WWOX: variants seen among roughly 807,000 people sequenced by gnomAD.
WWOX encodes WW domain-containing oxidoreductase.
WWOX carries 69 observed loss-of-function variants against 46.2 expected under a neutral mutation model. That is an observed-to-expected ratio of 1.49 (90% CI 1.23 to 1.82). WWOX has a LOEUF of 1.82. Ranked by LOEUF, WWOX falls within the 40% of genes most tolerant of loss-of-function variation. WWOX has a pLI of 0.00. For synonymous variants in WWOX, 359 were observed against 202.6 expected (o/e 1.77, Z -6.56); for missense variants, 919 against 542.6 (o/e 1.69, Z -6.89).
intron 8 of WWOX, among the ~76,000 whole-genome samples, chr16:79,170,178 A>C (rs1442966068): frequency 6.6e-6 from 1 of 152,172 alleles, no homozygotes; most frequent in Non-Finnish European, 1.5e-5. Flanking sequence ...TTTCCAGTGG[A>C]AATGATTCCC....
intron 8 of WWOX, among the ~76,000 whole-genome samples, chr16:78,465,659 T>G (rs1439660635): frequency 6.6e-6 from 1 of 152,262 alleles, no homozygotes; most frequent in African/African-American, 2.4e-5. Flanking sequence ...GTTTTAGTAA[T>G]TTACTCCCTT....
At chr16:78,366,539 A>G (rs1377941202) in intron 5 of WWOX, among the ~76,000 whole-genome samples, 3 of 152,198 alleles carry the variant, frequency 2.0e-5, no homozygotes, top group African/African-American at 7.2e-5. Context: ...CTCTTATTCT[A>G]AAATAGTGGT....
At chr16:78,839,725 T>C (rs1401626344) in intron 8 of WWOX, among the ~76,000 whole-genome samples, 1 of 152,124 alleles carries the variant, frequency 6.6e-6, no homozygotes, top group Non-Finnish European at 1.5e-5. Context: ...CCTGGTGATG[T>C]TCCTACCAAG....
chr16:78,524,621 A>G (rs1461367403), intron 8 of WWOX, among the ~76,000 whole-genome samples: 2 of 151,712 alleles, frequency 1.3e-5, no homozygotes, highest in South Asian at 2.1e-4. Context: ...GGGTTTCACC[A>G]TGTTGGCCAA....
intron 8 of WWOX, among the ~76,000 whole-genome samples, chr16:78,926,598 C>T (rs1567654286): frequency 1.3e-5 from 2 of 152,058 alleles, no homozygotes; most frequent in South Asian, 4.1e-4. Flanking sequence ...GTCTGTGATG[C>T]GGGAGTGGTT....
rs986706307 is a variant in WWOX, at chr16:79,100,557, C to G, written c.1057-111051C>G. Among the ~76,000 whole-genome samples, 3 of 152,144 alleles carry G rather than the reference C, an allele frequency of 2.0e-5. No individual in the cohort carries two copies. The East Asian group carries it at 5.8e-4, about 29-fold the overall frequency. On this transcript the variant is annotated intron_variant, in intron 8 of 8. Coordinates refer to ENST00000566780, the MANE Select transcript of WWOX (RefSeq NM_016373.4). Reference sequence around the variant, plus strand: ...AGTTCCAGGCTGTGCTTTGATGGCTCTGCACAGACAGCTCTTTTCCTATAC... The same window carrying G: ...AGTTCCAGGCTGTGCTTTGATGGCTGTGCACAGACAGCTCTTTTCCTATAC...
At chr16:78,867,431 A>G (rs2044027928) in intron 8 of WWOX, among the ~76,000 whole-genome samples, 1 of 152,000 alleles carries the variant, frequency 6.6e-6, no homozygotes, top group African/African-American at 2.4e-5. Context: ...TAGAGCTATT[A>G]TAGTTTCCAA....
chr16:78,728,514 A>T (rs1002377073), intron 8 of WWOX, among the ~76,000 whole-genome samples: 2 of 152,200 alleles, frequency 1.3e-5, no homozygotes, highest in African/African-American at 4.8e-5. Context: ...CTCTTGTGAT[A>T]TCACATGGCA....
Position 79,005,209 on chromosome 16 carries a change from T to C in WWOX, c.1057-206399T>C, listed in dbSNP as rs948517074. On this transcript the variant is annotated intron_variant, in intron 8 of 8. Coordinates refer to ENST00000566780, the MANE Select transcript of WWOX (RefSeq NM_016373.4). The stretch of plus-strand genomic sequence containing the variant: ...GATGTTTGCCTGTGGACCTCAGGAT[T>C]TGTAAGGCCATCTCCACCCACCTAC... Among the ~76,000 whole-genome samples the C allele has an allele frequency of 1.3e-5, 2 of 152,052 alleles. 1 individual carries two copies. Among genetic ancestry groups the C allele is most frequent in the Middle Eastern group, 6.3e-3 (2 of 316 alleles).
In WWOX at chr16:79,026,502, G is replaced by A. The variant is rs1468374525; in HGVS notation, c.1057-185106G>A. Among the ~76,000 whole-genome samples, 7 of 151,630 alleles carry A rather than the reference G, an allele frequency of 4.6e-5. No homozygotes were observed. The East Asian group carries it at 1.2e-3, about 25-fold the overall frequency. On this transcript the variant is annotated intron_variant, in intron 8 of 8. Coordinates refer to ENST00000566780, the MANE Select transcript of WWOX (RefSeq NM_016373.4). ...TACTTGTTCATGTGATCATTGATCA[G>A]GGTCCATTTTCTGCTCCAGACAATG...
chr16:78,874,107 A>T lies in WWOX; in HGVS notation c.1057-337501A>T, dbSNP rs535913162. Among the ~76,000 whole-genome samples, 4 of 151,596 alleles carry T rather than the reference A, an allele frequency of 2.6e-5. No individual in the cohort carries two copies. The East Asian group carries it at 7.8e-4, about 30-fold the overall frequency. On this transcript the variant is annotated intron_variant, in intron 8 of 8. Coordinates refer to ENST00000566780, the MANE Select transcript of WWOX (RefSeq NM_016373.4). The stretch of plus-strand genomic sequence containing the variant: ...TCTACTAAAATTATTTAAAAAAAAA[A>T]TAGCTGGGCATGGTGGCACACGTCT...
intron 8 of WWOX, among the ~76,000 whole-genome samples, chr16:79,199,457 A>G (rs2051304418): frequency 6.6e-6 from 1 of 152,202 alleles, no homozygotes; most frequent in Non-Finnish European, 1.5e-5. Flanking sequence ...TCAAAGACAC[A>G]CGAATCTCTT....
In WWOX at chr16:79,058,064, A is replaced by G. The variant is rs930023375; in HGVS notation, c.1057-153544A>G. On this transcript the variant is annotated intron_variant, in intron 8 of 8. Coordinates refer to ENST00000566780, the MANE Select transcript of WWOX (RefSeq NM_016373.4). ...TTTGAAAACATCACTTTTCCTCCACACTAATGTGTGAGCTTAGCCAGAGTA... is the reference window on the plus strand; with the variant it reads ...TTTGAAAACATCACTTTTCCTCCACGCTAATGTGTGAGCTTAGCCAGAGTA... 8.0e-5 allele frequency among the ~76,000 whole-genome samples: 12 copies of G among 150,546 alleles called. No homozygotes were observed. In the South Asian group the frequency reaches 1.0e-3, roughly 13 times the overall value.
In WWOX at chr16:78,507,284, A is replaced by G. The variant is rs1343893143; in HGVS notation, c.1056+74532A>G. The stretch of plus-strand genomic sequence containing the variant: ...TTTTTTCCCCAGCCAAGAACCATAG[A>G]TTGGACTTCACATTCAAAATGTAAA... On this transcript the variant is annotated intron_variant, in intron 8 of 8. Coordinates refer to ENST00000566780, the MANE Select transcript of WWOX (RefSeq NM_016373.4). 2.6e-5 allele frequency among the ~76,000 whole-genome samples: 4 copies of G among 152,230 alleles called. No homozygotes were observed. The East Asian group carries it at 5.8e-4, about 22-fold the overall frequency.
At chr16:78,256,889 G>T (rs981276895) in intron 5 of WWOX, among the ~76,000 whole-genome samples, 8 of 152,038 alleles carry the variant, frequency 5.3e-5, no homozygotes, top group African/African-American at 1.7e-4. Context: ...GAGTTGTTCA[G>T]TGTACAGACT....
intron 8 of WWOX, among the ~76,000 whole-genome samples, chr16:78,947,883 T>C (rs1285809002): frequency 6.6e-6 from 1 of 152,134 alleles, no homozygotes; most frequent in African/African-American, 2.4e-5. Context: ...TTCCAACAGG[T>C]TCAGGTTGAT....
At chr16:78,183,843 G>C (rs534835928) in intron 5 of WWOX, among the ~76,000 whole-genome samples, 1 of 152,306 alleles carries the variant, frequency 6.6e-6, no homozygotes, top group South Asian at 2.1e-4. Context: ...TTCAAACAAA[G>C]CATCCTGGCT....
intron 8 of WWOX, among the ~76,000 whole-genome samples, chr16:78,932,575 T>C (rs545805290): frequency 1.3e-5 from 2 of 152,236 alleles, no homozygotes; most frequent in East Asian, 1.9e-4. Context: ...GAAATGTTCC[T>C]GGCACCGTTT....
intron 4 of WWOX, among the ~76,000 whole-genome samples, chr16:78,144,264 T>G (rs1335025932): frequency 4.0e-5 from 6 of 151,014 alleles, no homozygotes; most frequent in Admixed American, 1.3e-4. Flanking sequence ...TTAAGATTCA[T>G]TTATTCTATT....
Sources: allele counts gnomAD v4.1 joint callset (sites outside exome capture counted in the v4.1 genomes callset), GRCh38; gene constraint gnomAD v4.1.1; transcripts MANE v1.5; gene names NCBI Gene and HGNC (gene_info 2026-07-23, HGNC 2026-07-21).